The following GALNTL6 variants were observed in gnomAD, a reference collection of about 807,000 sequenced individuals.
GALNTL6 encodes the protein polypeptide N-acetylgalactosaminyltransferase like 6.
A neutral mutation model predicts 73.7 loss-of-function variants in GALNTL6; 46 were observed. The ratio of observed to expected loss-of-function variants is 0.62; its 90% CI spans 0.49 to 0.80. The LOEUF is 0.80. GALNTL6 is among the 30% of genes least tolerant of loss of function. The pLI, the probability that GALNTL6 is intolerant of heterozygous loss-of-function variation, is 0.00. For synonymous variants in GALNTL6, 259 were observed against 263.7 expected (o/e 0.98, Z 0.17); for missense variants, 604 against 755.0 (o/e 0.80, Z 2.34).
chr4:172,342,287 G>A (rs1195766879), intron 4 of GALNTL6, among the ~76,000 whole-genome samples: 1 of 151,952 alleles, frequency 6.6e-6, no homozygotes, highest in African/African-American at 2.4e-5. Context: ...GTATAAAGAT[G>A]CCTTAAAGGG....
chr4:172,073,068 C>T (rs1391162271), intron 2 of GALNTL6, among the ~76,000 whole-genome samples: 3 of 152,068 alleles, frequency 2.0e-5, no homozygotes, highest in Non-Finnish European at 4.4e-5. Context: ...TGATTTCTGC[C>T]TCAGTAACAT....
chr4:172,996,163 G>GACAC (rs10658403), intron 10 of GALNTL6, among the ~76,000 whole-genome samples: 3,168 of 148,286 alleles, frequency 0.021, 86 homozygotes, highest in African/African-American at 0.07. Flanking sequence ...AAGAAAATGT[G>GACAC]ACACACACAC....
rs368039488 is a variant in GALNTL6, at chr4:172,057,728, ATATATAT to A, written c.139-171927_139-171921del. 5.5e-4 allele frequency among the ~76,000 whole-genome samples: 34 copies of A among 62,266 alleles called. 1 individual carries two copies. The highest frequency in any genetic ancestry group is 1.8e-3 in the African/African-American group (29 of 15,928). The allele number at this position is 62,266 out of a possible 152,430, so 40.8% of individuals were successfully genotyped here. On this transcript the variant is annotated intron_variant, in intron 2 of 12. Coordinates refer to ENST00000506823, the MANE Select transcript of GALNTL6 (RefSeq NM_001034845.3). ...AAAAAAAAAAAAAAAAAAAAAAAAA[ATATATAT>A]ATATATATATATATATATATATAAA...
chr4:171,820,326 G>A (rs1221818439), intron 2 of GALNTL6, among the ~76,000 whole-genome samples: 1 of 152,130 alleles, frequency 6.6e-6, no homozygotes, highest in Non-Finnish European at 1.5e-5. Flanking sequence ...TCAAGGTAAA[G>A]CACATCAATG....
intron 2 of GALNTL6, among the ~76,000 whole-genome samples, chr4:172,213,926 T>A (rs1336981168): frequency 1.3e-5 from 2 of 152,210 alleles, no homozygotes. Flanking sequence ...ATTTTTATAT[T>A]TTACATTTAG....
At chr4:172,151,428 A>G (rs1734084216) in intron 2 of GALNTL6, among the ~76,000 whole-genome samples, 2 of 152,352 alleles carry the variant, frequency 1.3e-5, no homozygotes, top group East Asian at 1.9e-4. Context: ...CTCACAATAT[A>G]TGGCAAGAAC....
At chr4:172,747,483 G>A (rs1287735298) in intron 5 of GALNTL6, among the ~76,000 whole-genome samples, 1 of 152,082 alleles carries the variant, frequency 6.6e-6, no homozygotes, top group Non-Finnish European at 1.5e-5. Flanking sequence ...CCTCACATCT[G>A]TCAGACTGGC....
rs200705066 is a variant in GALNTL6 at position 172,337,566 on chromosome 4, TAA to T, written c.387-10956_387-10955del. 8.0e-4 allele frequency among the ~76,000 whole-genome samples: 122 copies of T among 152,238 alleles called. 2 individuals are homozygous for T. The South Asian group carries it at 0.016, about 20-fold the overall frequency. ...TTTAGTGGTACATTAATTTTTTTTT[TAA>T]GAGTGCTGGCTATAGGCCTCAATCT... On this transcript the variant is annotated intron_variant, in intron 4 of 12. Coordinates refer to ENST00000506823, the MANE Select transcript of GALNTL6 (RefSeq NM_001034845.3).
intron 2 of GALNTL6, among the ~76,000 whole-genome samples, chr4:171,957,528 C>T (rs1213330810): frequency 6.6e-6 from 1 of 152,120 alleles, no homozygotes; most frequent in Non-Finnish European, 1.5e-5. Context: ...GATGGTGTCA[C>T]CTTCATTAAA....
intron 5 of GALNTL6, among the ~76,000 whole-genome samples, chr4:172,520,392 A>G (rs1320398630): frequency 6.6e-6 from 1 of 152,050 alleles, no homozygotes; most frequent in Non-Finnish European, 1.5e-5. Context: ...AATGGAAATT[A>G]TTCCACATAC....
At chr4:171,853,491 A>AT (rs55829492) in intron 2 of GALNTL6, among the ~76,000 whole-genome samples, 4,754 of 93,638 alleles carry the variant, frequency 0.051, 141 homozygotes, top group Non-Finnish European at 0.076. Context: ...TCTTTCTTAC[A>AT]TTTTTTTTTG....
intron 10 of GALNTL6, among the ~76,000 whole-genome samples, chr4:172,961,209 A>G: frequency 1.8e-5 from 2 of 109,920 alleles, no homozygotes; most frequent in Non-Finnish European, 3.8e-5. Flanking sequence ...GAAAGTGGAG[A>G]AGGGGTAGAG....
intron 5 of GALNTL6, among the ~76,000 whole-genome samples, chr4:172,807,404 A>C (rs1741027807): frequency 6.6e-6 from 1 of 152,216 alleles, no homozygotes; most frequent in Non-Finnish European, 1.5e-5. Flanking sequence ...TCAGCATTCA[A>C]AGGCATTTCT....
At chr4:172,802,976 A>AT (rs973698598) in intron 5 of GALNTL6, among the ~76,000 whole-genome samples, 22 of 152,372 alleles carry the variant, frequency 1.4e-4, no homozygotes, top group African/African-American at 4.8e-4. Context: ...GCACACTGAC[A>AT]TGTAGACATA....
At chr4:171,837,785 C>T (rs1735135851) in intron 2 of GALNTL6, among the ~76,000 whole-genome samples, 1 of 149,676 alleles carries the variant, frequency 6.7e-6, no homozygotes, top group African/African-American at 2.4e-5. Context: ...GGAAAACGCC[C>T]ATGAGGATAG....
At chr4:172,095,977 C>T (rs1359874061) in intron 2 of GALNTL6, among the ~76,000 whole-genome samples, 2 of 150,488 alleles carry the variant, frequency 1.3e-5, no homozygotes, top group Non-Finnish European at 3.0e-5. Flanking sequence ...TTTCTTTTCT[C>T]TCTCTTTTCT....
At chr4:172,720,209 C>G (rs1284590151) in intron 5 of GALNTL6, among the ~76,000 whole-genome samples, 1 of 152,024 alleles carries the variant, frequency 6.6e-6, no homozygotes, top group Non-Finnish European at 1.5e-5. Flanking sequence ...TGACGGGGTC[C>G]TTGTCCGTCC....
intron 10 of GALNTL6, among the ~76,000 whole-genome samples, chr4:173,001,897 C>A (rs1431570761): frequency 6.6e-6 from 1 of 152,166 alleles, no homozygotes; most frequent in Non-Finnish European, 1.5e-5. Flanking sequence ...GAAATTGGAA[C>A]CATTGTACAT....
chr4:171,924,409 A>G (rs2110985089), intron 2 of GALNTL6, among the ~76,000 whole-genome samples: 1 of 152,326 alleles, frequency 6.6e-6, no homozygotes, highest in East Asian at 1.9e-4. Context: ...GGCAAAATGC[A>G]AAAACTTTGT....
Sources: allele counts gnomAD v4.1 joint callset (sites outside exome capture counted in the v4.1 genomes callset), GRCh38; gene constraint gnomAD v4.1.1; transcripts MANE v1.5; gene names NCBI Gene and HGNC (gene_info 2026-07-23, HGNC 2026-07-21).